Variants in MAST3 observed in about 807,000 individuals in gnomAD.
MAST3 encodes microtubule associated serine/threonine kinase 3.
Under a neutral mutation model 127.0 loss-of-function variants are expected in MAST3, and 43 were observed. The ratio of observed to expected loss-of-function variants is 0.34; its 90% CI spans 0.27 to 0.44. The LOEUF is 0.44. Among genes scored for constraint, MAST3 ranks in the 20% least tolerant of loss-of-function variants. MAST3 has a pLI of 1.00. For synonymous variants in MAST3, 785 were observed against 809.2 expected, an observed-to-expected ratio of 0.97 and a Z score of 0.51; for missense variants, 1,390 against 1,919.1, an observed-to-expected ratio of 0.72 and a Z score of 5.15.
At position 18,098,266 on chromosome 19, in the gene MAST3, G is replaced by A. The variant is rs149083010; in HGVS notation, c.39+435G>A. On this transcript the variant is annotated intron_variant, in intron 1 of 27. Transcript: ENST00000687212. ...CTGTACACCCTCAGCTCAGCCCTAC[G>A]ACGACCTGGGGAGGTTGGGGCTGTC... 2.1e-3 allele frequency among the ~76,000 whole-genome samples: 314 copies of A among 152,220 alleles called. 1 individual carries two copies. Among genetic ancestry groups the A allele is most frequent in the Middle Eastern group, 0.01 (3 of 294 alleles).
chr19:18,104,497 G>T (rs939338704), intron 1 of MAST3, among the ~76,000 whole-genome samples: 1 of 152,092 alleles, frequency 6.6e-6, no homozygotes, highest in South Asian at 2.1e-4. Flanking sequence ...TCCCAGCTGG[G>T]TCATCCGGCA....
chr19:18,111,298 A>G (rs2038591514), intron 3 of MAST3, among the ~76,000 whole-genome samples: 1 of 151,990 alleles, frequency 6.6e-6, no homozygotes, highest in African/African-American at 2.4e-5. Context: ...CCCGGGGGCC[A>G]AGCATCAGGG....
At position 18,149,985 on chromosome 19, in the gene MAST3, CTTTT is replaced by C. The variant is rs61501122; in HGVS notation, c.*275_*278del. On this transcript the variant is annotated 3_prime_UTR_variant, in exon 28 of 28. Transcript: ENST00000687212. The surrounding 1 kb of genome is among the most constrained non-coding windows in gnomAD (Gnocchi z 5.9). The stretch of plus-strand genomic sequence containing the variant: ...GCAACTAATTTATTACTTTTTTTTT[CTTTT>C]TTTTTTTTTTTTTTTGAGACAGAGT... The C allele has an allele frequency of 8.3e-3, 1,596 of 193,224 alleles. 4 individuals are homozygous for C. Among genetic ancestry groups the C allele is most frequent in the South Asian group, 0.011 (238 of 20,996 alleles). 12.0% of individuals were successfully genotyped at this position (193,224 alleles called of 1,614,324 possible). A position where few individuals can be genotyped will look rare whatever the true frequency, so the allele number is the denominator to read the frequency against.
Position 18,149,228 on chromosome 19 carries a change from C to T in MAST3, c.3546C>T (p.Ser1182=). ...CCCCACCCAGCGCATCCCCGAGCTCCAGCAGCCCCGCCTCCCCAGCTGCTG... is the reference window on the plus strand; with the variant it reads ...CCCCACCCAGCGCATCCCCGAGCTCTAGCAGCCCCGCCTCCCCAGCTGCTG... The part of the protein sequence containing the change: ...TASPPSASPS[S]SSPASPAAAG... The change falls in exon 28 of 28, where the codon TCC becomes TCT. Residue 1182 remains serine, a synonymous_variant. Coordinates refer to ENST00000687212, the MANE Select transcript of MAST3 (RefSeq NM_001393504.1). This position sits in a 1 kb window ranked among gnomAD's most constrained non-coding sequence, Gnocchi z 5.9. The T allele has an allele frequency of 6.4e-7, 1 of 1,556,422 alleles. No homozygotes were observed. The highest frequency in any genetic ancestry group is 8.7e-7 in the Non-Finnish European group (1 of 1,154,708).
chr19:18,102,344 T>C (rs568553301), intron 1 of MAST3, among the ~76,000 whole-genome samples: 1 of 152,086 alleles, frequency 6.6e-6, no homozygotes, highest in Non-Finnish European at 1.5e-5. Context: ...CACATCCTGC[T>C]AATTTTGTAT....
chr19:18,143,109 C>G (rs2147772568), intron 21 of MAST3, among the ~76,000 whole-genome samples: 1 of 15,018 alleles, frequency 6.7e-5, no homozygotes, highest in South Asian at 1.6e-3. Context: ...GAGACTCTGT[C>G]TCAAAAAAAA....
chr19:18,114,175 C>G (rs2147002630), intron 3 of MAST3, among the ~76,000 whole-genome samples: 1 of 150,960 alleles, frequency 6.6e-6, no homozygotes, highest in African/African-American at 2.5e-5. Context: ...CATCCAGACC[C>G]CAGGGATTTT....
chr19:18,143,737 G>T (rs1344045510), intron 21 of MAST3, 26 bp from the exon 22 acceptor site: 2 of 1,612,124 alleles, frequency 1.2e-6, no homozygotes, highest in Non-Finnish European at 1.7e-6. Flanking sequence ...CCTGGCAGGG[G>T]TGATGCAGGC....
chr19:18,128,562 A>C (rs950090673), intron 12 of MAST3, 104 bp downstream of exon 12: 96 of 1,202,464 alleles, frequency 8.0e-5, no homozygotes, highest in Non-Finnish European at 1.5e-5. Flanking sequence ...CATGTAGCTT[A>C]ATTAGCATCG....
Position 18,149,420 on chromosome 19 carries a change from C to T in MAST3, c.3738C>T (p.His1246=). Reference sequence around the variant, plus strand: ...GCTCGCCCTCGCCCCTGCCCGGGCACCCGCCCGCACCTGCCCGATCCCCGC... The same window carrying T: ...GCTCGCCCTCGCCCCTGCCCGGGCATCCGCCCGCACCTGCCCGATCCCCGC... The part of the protein sequence containing the change: ...PPRSPSPLPG[H]PPAPARSPRL... Residue 1246 remains histidine, a synonymous_variant, in exon 28 of 28, where the codon CAC becomes CAT. Coordinates refer to ENST00000687212, the MANE Select transcript of MAST3 (RefSeq NM_001393504.1). The surrounding 1 kb of genome is among the most constrained non-coding windows in gnomAD (Gnocchi z 5.9). 6.8e-7 allele frequency: 1 copy of T among 1,465,776 alleles called. No homozygotes were observed. The highest frequency in any genetic ancestry group is 9.0e-7 in the Non-Finnish European group (1 of 1,116,844). 90.8% of individuals were successfully genotyped at this position (1,465,776 alleles called of 1,614,324 possible). A position where few individuals can be genotyped will look rare whatever the true frequency, so the allele number is the denominator to read the frequency against.
intron 17 of MAST3, among the ~76,000 whole-genome samples, chr19:18,135,334 G>A (rs553766569): frequency 9.2e-5 from 14 of 152,026 alleles, no homozygotes; most frequent in East Asian, 5.8e-4. Flanking sequence ...GCATGGTGGC[G>A]GGCACCTGTA....
chr19:18,103,711 T>C (rs11668601), intron 1 of MAST3, among the ~76,000 whole-genome samples: 27,129 of 152,146 alleles, frequency 0.18, 3,016 homozygotes, highest in Non-Finnish European at 0.25. Flanking sequence ...CCTATGTCAC[T>C]GGGCCATTTT....
At chr19:18,148,901 G>GAA (rs11375222) in intron 27 of MAST3, among the ~76,000 whole-genome samples, 5,127 of 147,540 alleles carry the variant, frequency 0.035, 157 homozygotes, top group Non-Finnish European at 0.047. Flanking sequence ...AGACTCTATT[G>GAA]AAAAAAAAAA....
Position 18,100,881 on chromosome 19 carries a change from G to A in MAST3, c.39+3050G>A, listed in dbSNP as rs144855843. On this transcript the variant is annotated intron_variant, in intron 1 of 27. Coordinates refer to ENST00000687212, the MANE Select transcript of MAST3 (RefSeq NM_001393504.1). Reference sequence around the variant, plus strand: ...CCAAAGAGTCCATTCACAAACGGGTGCTGACCGGCCAATCCAGACGCATAG... The same window carrying A: ...CCAAAGAGTCCATTCACAAACGGGTACTGACCGGCCAATCCAGACGCATAG... Among the ~76,000 whole-genome samples the A allele has an allele frequency of 1.7e-3, 260 of 152,308 alleles. 3 individuals carry two copies. Among genetic ancestry groups the A allele is most frequent in the African/African-American group, 6.0e-3 (248 of 41,560 alleles).
In MAST3 at chr19:18,137,224, G is replaced by C; in HGVS notation, c.1973-15G>C. On this transcript the variant is annotated splice_polypyrimidine_tract_variant and intron_variant, in intron 18 of 27. Coordinates refer to ENST00000687212, the MANE Select transcript of MAST3 (RefSeq NM_001393504.1). The stretch of plus-strand genomic sequence containing the variant: ...GAGGTGAGGACCTGCAGGGCTCAGC[G>C]GGGCATATCTGCAGGTGGCACCCAC... 3 of 1,606,680 alleles carry C rather than the reference G, an allele frequency of 1.9e-6. No homozygotes were observed. The highest frequency in any genetic ancestry group is 2.6e-6 in the Non-Finnish European group (3 of 1,175,762).
rs577288487 is a variant in MAST3, at chr19:18,125,278, A to C, written c.1078+504A>C. On this transcript the variant is annotated intron_variant, in intron 11 of 27. Coordinates refer to ENST00000687212, the MANE Select transcript of MAST3 (RefSeq NM_001393504.1). ...GGGGCCCAGGGGCCTCAGTGTCCTC[A>C]AATGCCACGTTAAGATGGTCAGGAA... is the stretch of plus-strand genomic sequence containing the variant. 5.3e-5 allele frequency among the ~76,000 whole-genome samples: 8 copies of C among 152,288 alleles called. No individual in the cohort carries two copies. The South Asian group carries it at 1.2e-3, about 24-fold the overall frequency.
intron 5 of MAST3, 124 bp from the exon 6 acceptor site, chr19:18,122,549 G>T: frequency 2.5e-6 from 2 of 801,102 alleles, no homozygotes; most frequent in Non-Finnish European, 4.2e-6. Context: ...CTCTGTTCTT[G>T]GTTATTTTCA....
chr19:18,110,779 C>A lies in MAST3; in HGVS notation c.161+38C>A. 1.1e-6 allele frequency: 1 copy of A among 941,226 alleles called. No homozygotes were observed. Among genetic ancestry groups the A allele is most frequent in the Non-Finnish European group, 1.3e-6 (1 of 789,278 alleles). 58.3% of individuals were successfully genotyped at this position (941,226 alleles called of 1,614,324 possible). ...GCGTGTGGGCGGGGCGCAGACATCG[C>A]CCTGGCACCCCAGAGCCTTGGAAAC... On this transcript the variant is annotated intron_variant, in intron 3 of 27. Transcript: ENST00000687212. This position sits in a 1 kb window ranked among gnomAD's most constrained non-coding sequence, Gnocchi z 4.3.
chr19:18,127,655 G>A (rs1465051510), intron 11 of MAST3, among the ~76,000 whole-genome samples: 1 of 152,292 alleles, frequency 6.6e-6, no homozygotes, highest in South Asian at 2.1e-4. Context: ...CTGCACTCCA[G>A]CCTGGGCGAC....
Sources: gnomAD v4.1 joint callset for allele counts (sites outside exome capture counted in the v4.1 genomes callset) on GRCh38, gnomAD v4.1.1 for gene constraint, Gnocchi (gnomAD v3.1) non-coding constraint, MANE v1.5 for transcripts, NCBI Gene and HGNC (gene_info 2026-07-23, HGNC 2026-07-21) for gene names.